Variants in SLC5A11 observed in about 807,000 individuals in gnomAD.
SLC5A11 encodes the protein solute carrier family 5 member 11, also known as sodium/myo-inositol cotransporter 2.
Under a neutral mutation model 69.8 loss-of-function variants are expected in SLC5A11, and 48 were observed. That is an observed-to-expected ratio of 0.69 (90% CI 0.55 to 0.87). The LOEUF is 0.87. Ranked by LOEUF, SLC5A11 falls within the 40% of genes least tolerant of loss-of-function variation. SLC5A11 has a pLI of 0.00. For missense variants in SLC5A11, 784 were observed against 866.1 expected, an observed-to-expected ratio of 0.91 and a Z score of 1.19; for synonymous variants, 319 against 342.4, an observed-to-expected ratio of 0.93 and a Z score of 0.75.
At chr16:24,907,718 T>A (rs8058673) in intron 12 of SLC5A11, among the ~76,000 whole-genome samples, 3 of 139,266 alleles carry the variant, frequency 2.2e-5, no homozygotes, top group Admixed American at 7.2e-5. Flanking sequence ...AAAAAAAAAA[T>A]TAAAATAATA....
intron 8 of SLC5A11, among the ~76,000 whole-genome samples, chr16:24,888,722 G>A (rs1318382026): frequency 1.4e-5 from 2 of 147,724 alleles, no homozygotes; most frequent in South Asian, 2.1e-4. Context: ...GACCTCAGGC[G>A]ATCTGCCCAC....
chr16:24,909,194 A>C (rs1175265658), intron 14 of SLC5A11, 98 bp downstream of exon 15: 1 of 1,275,954 alleles, frequency 7.8e-7, no homozygotes, highest in Non-Finnish European at 1.1e-6. Context: ...TGATTGTCCA[A>C]AAAGCTGAAA....
At chr16:24,857,416 G>A (rs2059583099) in intron 1 of SLC5A11, among the ~76,000 whole-genome samples, 1 of 152,154 alleles carries the variant, frequency 6.6e-6, no homozygotes, top group South Asian at 2.1e-4. Context: ...TGAACTTAGT[G>A]GCTAAAACAA....
rs1172725540 is a variant in SLC5A11 at position 24,875,536 on chromosome 16, G to T, written c.373-91G>T. On this transcript the variant is annotated intron_variant, in intron 5 of 15. Coordinates refer to ENST00000347898, the Ensembl canonical transcript of SLC5A11. ...AAGACCATCTGTGCTCTGAGTTGCG[G>T]GGGCAGGAGCAGATGGGAAGGGCTT... is the stretch of plus-strand genomic sequence containing the variant. 9 of 973,280 alleles carry T rather than the reference G, an allele frequency of 9.2e-6. 1 individual carries two copies. Among genetic ancestry groups the T allele is most frequent in the Non-Finnish European group, 1.3e-5 (8 of 626,174 alleles). The allele number at this position is 973,280 out of a possible 1,614,324, so 60.3% of individuals were successfully genotyped here.
At chr16:24,893,183 G>C (rs1424530880) in intron 9 of SLC5A11, among the ~76,000 whole-genome samples, 2 of 150,498 alleles carry the variant, frequency 1.3e-5, no homozygotes, top group Middle Eastern at 3.2e-3. Context: ...AGCTACTCAG[G>C]AGGCTGAGGC....
chr16:24,894,028 C>G (rs1337157910), intron 9 of SLC5A11, among the ~76,000 whole-genome samples: 1 of 152,200 alleles, frequency 6.6e-6, no homozygotes, highest in Non-Finnish European at 1.5e-5. Context: ...CACAACTGCT[C>G]TCTTTGCTAA....
In SLC5A11 at chr16:24,884,150, T is replaced by A; in HGVS notation, c.664+19T>A. 1 of 1,612,342 alleles carries A rather than the reference T, an allele frequency of 6.2e-7. No homozygotes were observed. The highest frequency in any genetic ancestry group is 8.5e-7 in the Non-Finnish European group (1 of 1,178,496). ...GGCTACAGTAAGTGGGGTCCCCGGG[T>A]CACTGGGGCGGACAACAGCACCTCT... On this transcript the variant is annotated intron_variant, in intron 8 of 15. Coordinates refer to ENST00000347898, the Ensembl canonical transcript of SLC5A11.
chr16:24,909,643 C>CAAAAAAAAAAAAAAAAA (rs35334841), intron 14 of SLC5A11, among the ~76,000 whole-genome samples: 1 of 48,906 alleles, frequency 2.0e-5, no homozygotes, highest in Non-Finnish European at 3.5e-5. Context: ...CCCTGTCTCA[C>CAAAAAAAAAAAAAAAAA]AAAAAAAAAA....
chr16:24,901,430 C>T (rs914760467), intron 10 of SLC5A11, among the ~76,000 whole-genome samples: 3 of 151,786 alleles, frequency 2.0e-5, no homozygotes, highest in South Asian at 4.2e-4. Flanking sequence ...GCCTGGGCAA[C>T]GTGATGAAAC....
chr16:24,859,434 T>C (rs2059670045), intron 2 of SLC5A11: 1 of 152,180 alleles, frequency 6.6e-6, no homozygotes, highest in African/African-American at 2.4e-5. Context: ...CAACTGTGTT[T>C]TTTTTTACTT....
At chr16:24,888,485 T>TC (rs1019539129) in intron 8 of SLC5A11, among the ~76,000 whole-genome samples, 1 of 139,746 alleles carries the variant, frequency 7.2e-6, no homozygotes, top group African/African-American at 2.7e-5. Context: ...TTTCTTTTTT[T>TC]TTTTTTTTTT....
chr16:24,857,115 C>T (rs549385533), intron 1 of SLC5A11, among the ~76,000 whole-genome samples: 8 of 152,304 alleles, frequency 5.3e-5, no homozygotes, highest in Non-Finnish European at 1.2e-4. Context: ...CCACTGAGCC[C>T]GGCCAAGGTG....
intron 10 of SLC5A11, among the ~76,000 whole-genome samples, chr16:24,901,224 T>C (rs913149032): frequency 2.0e-5 from 3 of 152,216 alleles, no homozygotes; most frequent in African/African-American, 7.2e-5. Flanking sequence ...ATTATTATTT[T>C]ATACATGTAT....
chr16:24,874,337 GA>G (rs2047527798), intron 5 of SLC5A11, among the ~76,000 whole-genome samples: 2 of 152,182 alleles, frequency 1.3e-5, no homozygotes, highest in Non-Finnish European at 2.9e-5. Flanking sequence ...ATTGGTGAGA[GA>G]ATCTACCTCT....
chr16:24,846,275 A>C (rs1239685405), exon 1 of SLC5A11: 1 of 152,352 alleles, frequency 6.6e-6, no homozygotes, highest in Non-Finnish European at 1.5e-5. Context: ...AGGCTCTCTC[A>C]GCAGCGGGCA....
rs377073691 is a variant in SLC5A11 at position 24,907,952 on chromosome 16, G to A, written c.1266-11G>A. On this transcript the variant is annotated splice_polypyrimidine_tract_variant and intron_variant, in intron 12 of 15. Transcript: ENST00000347898. ...ATGATGCTAATTTGTGCCTCTCGCC[G>A]CCGGCACCAGGGTGTTTGTGCTGCT... 270 of 1,613,506 alleles carry A rather than the reference G, an allele frequency of 1.7e-4. No individual in the cohort carries two copies. In the African/African-American group the frequency reaches 2.6e-3, roughly 16 times the overall value.
rs1217312098 is a variant in SLC5A11, at chr16:24,875,874, G to C, written c.477+143G>C. The C allele has an allele frequency of 1.4e-5, 10 of 718,992 alleles. No homozygotes were observed. The South Asian group carries it at 1.6e-4, about 11-fold the overall frequency. 44.5% of individuals were successfully genotyped at this position (718,992 alleles called of 1,614,324 possible). A position where few individuals can be genotyped will look rare whatever the true frequency, so the allele number is the denominator to read the frequency against. On this transcript the variant is annotated intron_variant, in intron 6 of 15. Transcript: ENST00000347898. Reference sequence around the variant, plus strand: ...AGGGAGATTAGAGGAAGATGGCATGGGGGGAGGTAAGCGTGGACAGAGGGA... The same window carrying C: ...AGGGAGATTAGAGGAAGATGGCATGCGGGGAGGTAAGCGTGGACAGAGGGA...
chr16:24,880,432 T>TCTCCTGCCTC (rs2047966917), intron 7 of SLC5A11, among the ~76,000 whole-genome samples: 6 of 152,128 alleles, frequency 3.9e-5, no homozygotes, highest in Non-Finnish European at 5.9e-5. Context: ...CCTCCTGGGT[T>TCTCCTGCCTC]CAAGCAATTC....
chr16:24,877,653 C>T (rs2047761856), intron 7 of SLC5A11, among the ~76,000 whole-genome samples: 2 of 152,086 alleles, frequency 1.3e-5, no homozygotes, highest in African/African-American at 4.8e-5. Context: ...AATTCCAGAC[C>T]AGCCTGGCCA....
Sources: gnomAD v4.1 joint callset for allele counts (sites outside exome capture counted in the v4.1 genomes callset) on GRCh38, gnomAD v4.1.1 for gene constraint, MANE v1.5 for transcripts, NCBI Gene and HGNC (gene_info 2026-07-23, HGNC 2026-07-21) for gene names.